ABCB6: variants seen among roughly 807,000 people sequenced by gnomAD.
The protein encoded by ABCB6 is ATP binding cassette subfamily B member 6 (LAN blood group).
Under a neutral mutation model 99.4 loss-of-function variants are expected in ABCB6, and 87 were observed. The observed-to-expected ratio is 0.88, with a 90% confidence interval of 0.74 to 1.05. The LOEUF is 1.05. ABCB6 is among the 50% of genes least tolerant of loss of function. The pLI is 0.00. For synonymous variants in ABCB6, 482 were observed against 447.5 expected (o/e 1.08, Z -0.97); for missense variants, 1,050 against 1,097.9 (o/e 0.96, Z 0.62).
chr2:219,216,453 G>C lies in ABCB6; in HGVS notation c.881C>G (p.Thr294Ser), dbSNP rs1014601363. The C allele has an allele frequency of 6.2e-7, 1 of 1,614,032 alleles. No homozygotes were observed. The highest frequency in any genetic ancestry group is 8.5e-7 in the Non-Finnish European group (1 of 1,179,976). ...IFYRNIVNLLTEKAPWNSLAW... is the reference protein window; with the variant it reads ...IFYRNIVNLLSEKAPWNSLAW... ...CAGAGAGTTCCAAGGTGCCTTCTCA[G>C]TCAGCAAGTTCACTGTGGAGGAAAC... The change falls in exon 4 of 19, where the codon ACT becomes AGT. Residue 294 changes from threonine to serine, a missense_variant. Transcript: ENST00000265316. This position sits in a 1 kb window ranked among gnomAD's most constrained non-coding sequence, Gnocchi z 4.2.
At position 219,216,376 on chromosome 2, in the gene ABCB6, T is replaced by A. The variant is rs1574815966; in HGVS notation, c.958A>T (p.Thr320Ser). The change falls in exon 4 of 19, where the codon ACT becomes TCT. Residue 320 changes from threonine (T) to serine (S), a missense_variant. Thr to Ser is a moderately conservative substitution (Grantham distance 58). Coordinates refer to ENST00000265316, the MANE Select transcript of ABCB6 (RefSeq NM_005689.4). This position sits in a 1 kb window ranked among gnomAD's most constrained non-coding sequence, Gnocchi z 4.2. ...VFLKFLQGGG[T>S]GSTGFVSNLR... ...GAGTCTCTCATACCTGTACTGCCAG[T>A]GCCACCCCCCTGGAGGAACTTGAGG... The A allele has an allele frequency of 6.2e-7, 1 of 1,613,878 alleles. No individual in the cohort carries two copies. The highest frequency in any genetic ancestry group is 8.5e-7 in the Non-Finnish European group (1 of 1,179,812).
Position 219,216,915 on chromosome 2 carries a change from G to A in ABCB6, c.688-83C>T, listed in dbSNP as rs1950649209. On this transcript the variant is annotated intron_variant, in intron 2 of 18. Transcript: ENST00000265316. The surrounding 1 kb of genome is among the most constrained non-coding windows in gnomAD (Gnocchi z 4.2). ...GAAACCCTTCAGGGAAAAACCTATG[G>A]GGTTACAGCTCCCAGGTATCTCAGA... 9 of 1,281,204 alleles carry A rather than the reference G, an allele frequency of 7.0e-6. No homozygotes were observed. The highest frequency in any genetic ancestry group is 4.5e-5 in the African/African-American group (3 of 66,738). 79.4% of individuals were successfully genotyped at this position (1,281,204 alleles called of 1,614,324 possible).
At position 219,218,835 on chromosome 2, in the gene ABCB6, A is replaced by G; in HGVS notation, c.-162T>C. The G allele has an allele frequency of 4.1e-6, 3 of 730,482 alleles. No individual in the cohort carries two copies. The highest frequency in any genetic ancestry group is 6.3e-6 in the Non-Finnish European group (3 of 476,242). 45.3% of individuals were successfully genotyped at this position (730,482 alleles called of 1,614,324 possible). On this transcript the variant is annotated 5_prime_UTR_variant, in exon 1 of 19. Transcript: ENST00000265316. The stretch of plus-strand genomic sequence containing the variant: ...AAGGGACGCACGTGGACCAGGCCTC[A>G]CCGCCCACTCCCCTAGCGCACGCGC...
At chr2:219,214,693 C>G (rs1950618844) in intron 6 of ABCB6, 195 bp from the exon 7 acceptor site, 1 of 627,158 alleles carries the variant, frequency 1.6e-6, no homozygotes, top group Admixed American at 2.9e-5. Context: ...TGAAAGCAAG[C>G]TGCATCTTGT....
Position 219,210,485 on chromosome 2 carries a change from G to T in ABCB6, c.2257-10C>A. 1 of 1,613,414 alleles carries T rather than the reference G, an allele frequency of 6.2e-7. No individual in the cohort carries two copies. The highest frequency in any genetic ancestry group is 8.5e-7 in the Non-Finnish European group (1 of 1,179,704). On this transcript the variant is annotated splice_polypyrimidine_tract_variant and intron_variant, in intron 16 of 18. Coordinates refer to ENST00000265316, the MANE Select transcript of ABCB6 (RefSeq NM_005689.4). ...CCAGCGCTGACGTTGCCTATAGAGA[G>T]GGTCCAGGTAAAACTGCTCCTGCCA... is the stretch of plus-strand genomic sequence containing the variant.
intron 5 of ABCB6, 60 bp downstream of exon 5, chr2:219,215,937 G>C: frequency 6.9e-7 from 1 of 1,457,104 alleles, no homozygotes; most frequent in South Asian, 1.5e-5. Context: ...CCTCCCACGG[G>C]CCCCTATCCC....
At position 219,214,159 on chromosome 2, in the gene ABCB6, C is replaced by T. The variant is rs772815355; in HGVS notation, c.1414G>A (p.Glu472Lys). The T allele has an allele frequency of 9.3e-6, 15 of 1,614,068 alleles. No individual in the cohort carries two copies. Among genetic ancestry groups the T allele is most frequent in the East Asian group, 2.2e-5 (1 of 44,898 alleles). ...ATGGCCTCTCGATAGCGTTCCACTTCGTAACTCTCGGCGTTGTAATACTTC... is the reference window on the plus strand; with the variant it reads ...ATGGCCTCTCGATAGCGTTCCACTTTGTAACTCTCGGCGTTGTAATACTTC... Reference protein sequence around the residue: ...TVKYYNAESYEVERYREAIIK... With the variant: ...TVKYYNAESYKVERYREAIIK... Residue 472 changes from glutamate (E) to lysine (K), a missense_variant, in exon 8 of 19, where the codon GAA becomes AAA. Physicochemically the swap from Glu to Lys is moderately conservative, Grantham distance 56. Coordinates refer to ENST00000265316, the MANE Select transcript of ABCB6 (RefSeq NM_005689.4).
At position 219,210,657 on chromosome 2, in the gene ABCB6, G is replaced by A; in HGVS notation, c.2256+54C>T. The stretch of plus-strand genomic sequence containing the variant: ...TCTAGGTGGGGACAGTGCCCAGGAG[G>A]AACGGCTTGAGCATACACAAGGCAG... On this transcript the variant is annotated intron_variant, in intron 16 of 18. Coordinates refer to ENST00000265316, the MANE Select transcript of ABCB6 (RefSeq NM_005689.4). 1.9e-6 allele frequency: 3 copies of A among 1,610,046 alleles called. No homozygotes were observed. In the South Asian group the frequency reaches 3.3e-5, roughly 18 times the overall value.
intron 5 of ABCB6, chr2:219,215,490 C>T (rs1950628191): frequency 5.4e-6 from 1 of 185,242 alleles, no homozygotes; most frequent in Non-Finnish European, 1.1e-5. Context: ...AACTGTAATC[C>T]CAGCACTTTG....
At chr2:219,210,183 A>C (rs1340840813) in intron 18 of ABCB6, 47 bp downstream of exon 18, 2 of 1,611,494 alleles carry the variant, frequency 1.2e-6, no homozygotes, top group Admixed American at 3.3e-5. Context: ...CCTTTCCTGG[A>C]GCCCCCAATT....
intron 14 of ABCB6, among the ~76,000 whole-genome samples, chr2:219,211,948 AG>A (rs1950584772): frequency 1.3e-5 from 2 of 152,040 alleles, no homozygotes; most frequent in Admixed American, 1.3e-4. Flanking sequence ...TATTTTTCGT[AG>A]AGACGGGGTT....
rs1950680694 is a variant in ABCB6, at chr2:219,218,599, G to C, written c.75C>G (p.Pro25=). ...GPAWMQDGLS[P]CFFFTLVPST... ...AGGGCACGAGCGTGAAGAAGAAGCA[G>C]GGACTCAGGCCATCCTGCATCCAGG... Residue 25 remains proline (P), a synonymous_variant, in exon 1 of 19, where the codon CCC becomes CCG. Coordinates refer to ENST00000265316, the MANE Select transcript of ABCB6 (RefSeq NM_005689.4). 1.2e-6 allele frequency: 2 copies of C among 1,612,438 alleles called. No individual in the cohort carries two copies. Among genetic ancestry groups the C allele is most frequent in the South Asian group, 2.2e-5 (2 of 91,006 alleles).
In ABCB6 at chr2:219,217,690, G is replaced by T. The variant is rs1353913011; in HGVS notation, c.667C>A (p.Gln223Lys). The T allele has an allele frequency of 8.7e-6, 14 of 1,609,938 alleles. No individual in the cohort carries two copies. The highest frequency in any genetic ancestry group is 1.1e-5 in the Non-Finnish European group (13 of 1,178,710). Residue 223 changes from glutamine (Q) to lysine (K), a missense_variant, in exon 2 of 19, where the codon CAA becomes AAA. By Grantham distance (53) the Gln-to-Lys change is moderately conservative. Coordinates refer to ENST00000265316, the MANE Select transcript of ABCB6 (RefSeq NM_005689.4). ...SYTLQVHEED[Q>K]DVERSQVRSA... The stretch of plus-strand genomic sequence containing the variant: ...TGTACCTGGCTCCTTTCCACATCTT[G>T]GTCCTCTTCATGAACCTGCAATGTA...
chr2:219,212,881 C>A, intron 13 of ABCB6, 127 bp downstream of exon 13: 1 of 1,088,044 alleles, frequency 9.2e-7, no homozygotes, highest in Non-Finnish European at 1.4e-6. Flanking sequence ...ATGGAGGCTG[C>A]ACCATTCAAT....
Position 219,215,042 on chromosome 2 carries a change from T to C in ABCB6, c.1195A>G (p.Ile399Val), listed in dbSNP as rs751502046. 8 of 1,614,124 alleles carry C rather than the reference T, an allele frequency of 5.0e-6. No homozygotes were observed. The highest frequency in any genetic ancestry group is 6.8e-6 in the Non-Finnish European group (8 of 1,180,032). The part of the protein sequence containing the change: ...FNVIPTLADI[I>V]IGIIYFSMFF... Reference sequence around the variant, plus strand: ...ATGCTGAAGTAGATGATGCCAATGATGATGTCGGCCAGCGTGGGGATGACA... The same window carrying C: ...ATGCTGAAGTAGATGATGCCAATGACGATGTCGGCCAGCGTGGGGATGACA... The change falls in exon 6 of 19, where the codon ATC becomes GTC. Residue 399 changes from isoleucine to valine, a missense_variant. Coordinates refer to ENST00000265316, the MANE Select transcript of ABCB6 (RefSeq NM_005689.4).
chr2:219,210,852 T>TA, intron 15 of ABCB6, 29 bp from the exon 16 acceptor site: 1 of 1,613,448 alleles, frequency 6.2e-7, no homozygotes, highest in Non-Finnish European at 8.5e-7. Flanking sequence ...ACACGTTTCT[T>TA]ACGAAACGGA....
In ABCB6 at chr2:219,210,819, GTACCCTGTGGATAT is replaced by G. The variant is rs1300590799; in HGVS notation, c.2144-10_2147del. The G allele has an allele frequency of 6.2e-7, 1 of 1,613,892 alleles. No individual in the cohort carries two copies. Among genetic ancestry groups the G allele is most frequent in the African/African-American group, 1.3e-5 (1 of 75,028 alleles). ...GTCCCCGCTCGCCCACCTGTGTCCT[GTACCCTGTGGATAT>G]TACCCACCACACGTTTCTTACGAAA... On this transcript the variant is annotated splice_acceptor_variant and splice_polypyrimidine_tract_variant and coding_sequence_variant and intron_variant, in exon 16 of 19. Transcript: ENST00000265316. LOFTEE classifies it high-confidence loss of function.
chr2:219,210,727 A>ATGCCCGGAGCCTTGAGGATGG lies in ABCB6; in HGVS notation c.2219_2239dup (p.Thr740_Gly746dup). ...AGGGCGCACCTCATCCAGCAGAATG[A>ATGCCCGGAGCCTTGAGGATGG]TGCCCGGAGCCTTGAGGATGGTGCG... On this transcript the variant is annotated inframe_insertion, in exon 16 of 19. Coordinates refer to ENST00000265316, the MANE Select transcript of ABCB6 (RefSeq NM_005689.4). The ATGCCCGGAGCCTTGAGGATGG allele has an allele frequency of 6.2e-7, 1 of 1,613,680 alleles. No homozygotes were observed. Among genetic ancestry groups the ATGCCCGGAGCCTTGAGGATGG allele is most frequent in the Non-Finnish European group, 8.5e-7 (1 of 1,180,008 alleles).
chr2:219,210,367 C>G lies in ABCB6; in HGVS notation c.2351+14G>C, dbSNP rs921413411. On this transcript the variant is annotated intron_variant, in intron 17 of 18. Coordinates refer to ENST00000265316, the MANE Select transcript of ABCB6 (RefSeq NM_005689.4). Reference sequence around the variant, plus strand: ...GGCCACATCACCAGCCGCCCCAGGCCTGTAGTCCTGTACCTGTGTGCCACT... The same window carrying G: ...GGCCACATCACCAGCCGCCCCAGGCGTGTAGTCCTGTACCTGTGTGCCACT... The G allele has an allele frequency of 6.2e-7, 1 of 1,614,242 alleles. No individual in the cohort carries two copies.
Sources: gnomAD v4.1 joint callset for allele counts (sites outside exome capture counted in the v4.1 genomes callset) on GRCh38, gnomAD v4.1.1 for gene constraint, Gnocchi (gnomAD v3.1) non-coding constraint, MANE v1.5 for transcripts, NCBI Gene and HGNC (gene_info 2026-07-23, HGNC 2026-07-21) for gene names.